GPHN: variants seen among roughly 807,000 people sequenced by gnomAD.
GPHN encodes gephyrin.
A neutral mutation model predicts 95.5 loss-of-function variants in GPHN; 17 were observed. The ratio of observed to expected loss-of-function variants is 0.18; its 90% CI spans 0.12 to 0.27. GPHN has a LOEUF of 0.27. Among genes scored for constraint, GPHN ranks in the 10% least tolerant of loss-of-function variants. The pLI is 1.00. For synonymous variants in GPHN, 320 were observed against 322.5 expected, an observed-to-expected ratio of 0.99 and a Z score of 0.08; for missense variants, 660 against 978.1, an observed-to-expected ratio of 0.67 and a Z score of 4.34.
the GPHN span, among the ~76,000 whole-genome samples, chr14:67,256,254 A>G: frequency 2.6e-5 from 4 of 152,156 alleles, no homozygotes; most frequent in African/African-American, 2.4e-5. Flanking sequence ...AACATCTTCT[A>G]TGTATATTTG....
At chr14:66,963,368 C>G (rs1013846471) in intron 8 of GPHN, among the ~76,000 whole-genome samples, 4 of 151,986 alleles carry the variant, frequency 2.6e-5, no homozygotes, top group African/African-American at 9.7e-5. Context: ...ATCACACACA[C>G]AGAGACATTA....
chr14:67,018,799 A>G (rs1434711633), intron 9 of GPHN, among the ~76,000 whole-genome samples: 1 of 152,196 alleles, frequency 6.6e-6, no homozygotes, highest in Non-Finnish European at 1.5e-5. Flanking sequence ...ATCACTGATG[A>G]ATGCATTATC....
At chr14:66,776,333 G>T in intron 2 of GPHN, 131 bp from the exon 3 acceptor site, 1 of 724,008 alleles carries the variant, frequency 1.4e-6, no homozygotes, top group Non-Finnish European at 2.6e-6. Context: ...CAAAATGGTT[G>T]TTTTTCCTCC....
At chr14:66,628,934 G>A (rs1277030673) in intron 1 of GPHN, among the ~76,000 whole-genome samples, 1 of 150,152 alleles carries the variant, frequency 6.7e-6, no homozygotes, top group Non-Finnish European at 1.5e-5. Flanking sequence ...GTGTGTTGGT[G>A]TACCCCTATA....
At chr14:66,842,647 A>C in intron 4 of GPHN, 1 of 1,523,704 alleles carries the variant, frequency 6.6e-7, no homozygotes, top group Non-Finnish European at 8.8e-7. Flanking sequence ...GGAGTCAGAA[A>C]TCCCTTTTCT....
chr14:67,278,273 T>A, the GPHN span, among the ~76,000 whole-genome samples: 1 of 151,978 alleles, frequency 6.6e-6, no homozygotes, highest in East Asian at 1.9e-4. Flanking sequence ...CGACCTCAGG[T>A]GATCTGCCTT....
the GPHN span, chr14:67,722,582 C>G: frequency 2.1e-6 from 3 of 1,429,226 alleles, no homozygotes; most frequent in South Asian, 3.4e-5. Flanking sequence ...GAACCTGAGC[C>G]AGAGCTGGGG....
chr14:67,519,725 T>C, the GPHN span, among the ~76,000 whole-genome samples: 1 of 151,634 alleles, frequency 6.6e-6, no homozygotes, highest in East Asian at 1.9e-4. Context: ...TTTTTTTTTT[T>C]TTTTACTTTT....
At chr14:67,342,860 A>T in the GPHN span, among the ~76,000 whole-genome samples, 2 of 152,106 alleles carry the variant, frequency 1.3e-5, no homozygotes, top group African/African-American at 4.8e-5. Flanking sequence ...ATAAAAACTA[A>T]GTTTATTGAG....
chr14:67,146,468 T>C (rs533250654), intron 18 of GPHN, among the ~76,000 whole-genome samples: 1 of 152,308 alleles, frequency 6.6e-6, no homozygotes, highest in South Asian at 2.1e-4. Context: ...AATTATTAAA[T>C]AACTCAAAGA....
At chr14:66,751,640 T>C (rs2058367797) in intron 2 of GPHN, among the ~76,000 whole-genome samples, 1 of 152,094 alleles carries the variant, frequency 6.6e-6, no homozygotes, top group Non-Finnish European at 1.5e-5. Flanking sequence ...GTTCTGTAGG[T>C]TGTCTGTTTA....
intron 9 of GPHN, among the ~76,000 whole-genome samples, chr14:67,009,793 T>A (rs1032861359): frequency 1.3e-5 from 2 of 152,070 alleles, no homozygotes; most frequent in Admixed American, 6.6e-5. Context: ...TTTGTTTTTT[T>A]AGACACCCAG....
chr14:67,642,285 C>T, the GPHN span: 2 of 1,613,938 alleles, frequency 1.2e-6, no homozygotes, highest in Admixed American at 1.7e-5. Context: ...GTGGGTCTTG[C>T]CAACCAGGAA....
chr14:67,238,237 T>TTTTTC, the GPHN span, among the ~76,000 whole-genome samples: 1 of 151,894 alleles, frequency 6.6e-6, no homozygotes, highest in East Asian at 1.9e-4. Context: ...ATAGATTTCT[T>TTTTTC]TTTTCTTTTC....
intron 3 of GPHN, among the ~76,000 whole-genome samples, chr14:66,781,204 C>T (rs957078751): frequency 2.0e-5 from 3 of 151,724 alleles, no homozygotes; most frequent in Non-Finnish European, 4.4e-5. Context: ...CTAGATGTAA[C>T]CACTATTCTG....
the GPHN span, chr14:67,317,473 AATG>A: frequency 1.2e-6 from 2 of 1,604,244 alleles, no homozygotes; most frequent in Non-Finnish European, 1.7e-6. Flanking sequence ...TGCCAATAAA[AATG>A]ATGGTAAGTT....
At chr14:67,466,801 T>C in the GPHN span, among the ~76,000 whole-genome samples, 4 of 152,110 alleles carry the variant, frequency 2.6e-5, no homozygotes, top group Admixed American at 6.5e-5. Flanking sequence ...AAGACTAGCC[T>C]GGCCAACATG....
At chr14:67,289,392 A>G in the GPHN span, among the ~76,000 whole-genome samples, 1 of 152,182 alleles carries the variant, frequency 6.6e-6, no homozygotes, top group African/African-American at 2.4e-5. Context: ...AGCTGATTTT[A>G]GGTAACTGGA....
At chr14:67,432,756 G>A in the GPHN span, among the ~76,000 whole-genome samples, 1 of 152,042 alleles carries the variant, frequency 6.6e-6, no homozygotes, top group South Asian at 2.1e-4. Flanking sequence ...AGAATCTCGG[G>A]CTTCTCTGCT....
Sources: gnomAD v4.1 joint callset for allele counts (sites outside exome capture counted in the v4.1 genomes callset) on GRCh38, gnomAD v4.1.1 for gene constraint, MANE v1.5 for transcripts, NCBI Gene and HGNC (gene_info 2026-07-23, HGNC 2026-07-21) for gene names.